The following DYNC2I1 variants were observed in gnomAD, a reference collection of about 807,000 sequenced individuals.
DYNC2I1 encodes the protein cytoplasmic dynein 2 intermediate chain 1.
Under a neutral mutation model 133.4 loss-of-function variants are expected in DYNC2I1, and 89 were observed. The observed-to-expected ratio is 0.67, with a 90% CI of 0.56 to 0.80. The LOEUF is 0.80. Ranked by LOEUF, DYNC2I1 falls within the 30% of genes least tolerant of loss-of-function variation. DYNC2I1 has a pLI of 0.00. For missense variants in DYNC2I1, 1,291 were observed against 1,314.5 expected (o/e 0.98, Z 0.28); for synonymous variants, 504 against 484.3 (o/e 1.04, Z -0.54).
intron 8 of DYNC2I1, among the ~76,000 whole-genome samples, chr7:158,892,161 A>G (rs1455363637): frequency 6.6e-6 from 1 of 152,216 alleles, no homozygotes; most frequent in Non-Finnish European, 1.5e-5. Flanking sequence ...TTTGCAGAGT[A>G]AATGAACTGT....
At chr7:158,860,927 C>T (rs919290078) in intron 1 of DYNC2I1, among the ~76,000 whole-genome samples, 4 of 152,302 alleles carry the variant, frequency 2.6e-5, no homozygotes, top group South Asian at 2.1e-4. Flanking sequence ...TTGGTCCTCA[C>T]CAATCCGCTT....
chr7:158,924,779 T>A (rs1234946991), intron 17 of DYNC2I1, among the ~76,000 whole-genome samples: 1 of 152,082 alleles, frequency 6.6e-6, no homozygotes, highest in East Asian at 1.9e-4. Flanking sequence ...TTTTGAGATG[T>A]GGTCTGGCTC....
intron 13 of DYNC2I1, 110 bp downstream of exon 13, chr7:158,913,206 A>G: frequency 2.4e-6 from 2 of 847,302 alleles, no homozygotes; most frequent in East Asian, 2.9e-5. Context: ...TCTCTTCTGT[A>G]TGGTTGTTAG....
intron 5 of DYNC2I1, among the ~76,000 whole-genome samples, chr7:158,881,365 A>G (rs1007412037): frequency 2.4e-4 from 37 of 152,196 alleles, no homozygotes; most frequent in African/African-American, 8.4e-4. Flanking sequence ...ACTCCCCTCT[A>G]GTCAGCCACA....
chr7:158,934,403 G>GCTT lies in DYNC2I1; in HGVS notation c.2647-7_2647-5dup. The GCTT allele has an allele frequency of 6.2e-7, 1 of 1,604,674 alleles. No individual in the cohort carries two copies. Among genetic ancestry groups the GCTT allele is most frequent in the Non-Finnish European group, 8.5e-7 (1 of 1,175,780 alleles). On this transcript the variant is annotated splice_polypyrimidine_tract_variant and intron_variant, in intron 22 of 24. Coordinates refer to ENST00000407559, the MANE Select transcript of DYNC2I1 (RefSeq NM_018051.5). ...AATGCACTCGTTCAGTCACTCTTGGGCTTCTTCTTCACAGGGTCTCATAAG... is the reference window on the plus strand; with the variant it reads ...AATGCACTCGTTCAGTCACTCTTGGGCTTCTTCTTCTTCACAGGGTCTCATAAG...
At chr7:158,950,875 G>A (rs1221447353), downstream of DYNC2I1, among the ~76,000 whole-genome samples, 3 of 150,940 alleles carry the variant, frequency 2.0e-5, no homozygotes, top group South Asian at 2.1e-4. Flanking sequence ...ATACTGCACC[G>A]GGACCAGCCT....
intron 15 of DYNC2I1, among the ~76,000 whole-genome samples, chr7:158,921,206 C>T (rs984079378): frequency 2.6e-5 from 4 of 152,040 alleles, no homozygotes; most frequent in Non-Finnish European, 4.4e-5. Flanking sequence ...GAGTGAAAAC[C>T]GGACGGAGAT....
At chr7:158,845,974 C>T in the DYNC2I1 span, among the ~76,000 whole-genome samples, 4 of 152,216 alleles carry the variant, frequency 2.6e-5, no homozygotes, top group Admixed American at 1.3e-4. Context: ...TATAAAACCA[C>T]GTAGGCTGGG....
rs1310962330 is a variant in DYNC2I1 at position 158,916,024 on chromosome 7, CGT to C, written c.1791+1704_1791+1705del. On this transcript the variant is annotated intron_variant, in intron 14 of 24. Transcript: ENST00000407559. ...GTTGACATTAAGGATGATTGTGAAA[CGT>C]CTACACGCTGGTTGAGATTAAGGAT... Among the ~76,000 whole-genome samples the C allele has an allele frequency of 7.8e-3, 649 of 83,586 alleles. 108 individuals are homozygous for C. Among genetic ancestry groups the C allele is most frequent in the Non-Finnish European group, 0.01 (363 of 35,168 alleles). 54.8% of individuals were successfully genotyped at this position (83,586 alleles called of 152,430 possible).
intron 21 of DYNC2I1, among the ~76,000 whole-genome samples, chr7:158,933,460 T>C (rs1377421853): frequency 6.6e-6 from 1 of 152,168 alleles, no homozygotes; most frequent in East Asian, 1.9e-4. Flanking sequence ...GAGGTAGAAC[T>C]GAGACCCCTG....
intron 4 of DYNC2I1, among the ~76,000 whole-genome samples, chr7:158,951,950 C>T (rs931696625): frequency 1.3e-5 from 2 of 152,174 alleles, no homozygotes; most frequent in African/African-American, 4.8e-5. Context: ...TAGAATCGCC[C>T]TGGGTTGAGG....
downstream of DYNC2I1, among the ~76,000 whole-genome samples, chr7:158,950,946 T>A (rs1170300470): frequency 1.3e-5 from 2 of 152,190 alleles, no homozygotes; most frequent in Non-Finnish European, 2.9e-5. Context: ...GGGACCAGCC[T>A]CTATATGATT....
At chr7:158,903,372 AT>A (rs1187759153) in intron 10 of DYNC2I1, 3 of 152,354 alleles carry the variant, frequency 2.0e-5, no homozygotes, top group Non-Finnish European at 2.9e-5. Flanking sequence ...GGCACTGAGG[AT>A]AAAATAGGAT....
At chr7:158,908,540 T>G (rs1271276620) in intron 11 of DYNC2I1, among the ~76,000 whole-genome samples, 1 of 152,210 alleles carries the variant, frequency 6.6e-6, no homozygotes, top group Non-Finnish European at 1.5e-5. Flanking sequence ...ATAAGCAAAG[T>G]TAAATAACCC....
chr7:158,924,537 C>G (rs1277261562), intron 17 of DYNC2I1, among the ~76,000 whole-genome samples: 1 of 152,194 alleles, frequency 6.6e-6, no homozygotes. Context: ...AATTGTGCCC[C>G]TCTGTGTGGG....
chr7:158,891,196 G>A (rs1408416795), intron 7 of DYNC2I1, 69 bp from the exon 8 acceptor site: 2 of 1,560,748 alleles, frequency 1.3e-6, no homozygotes, highest in African/African-American at 2.7e-5. Flanking sequence ...GGGTGGGGGG[G>A]AGCTGCGTGG....
intron 14 of DYNC2I1, among the ~76,000 whole-genome samples, chr7:158,917,796 C>T (rs1362464021): frequency 6.6e-6 from 1 of 152,132 alleles, no homozygotes; most frequent in Non-Finnish European, 1.5e-5. Context: ...AATCTCCTGC[C>T]TTCCACACTC....
rs535711187 is a variant in DYNC2I1, at chr7:158,928,474, T to A, written c.2485+1431T>A. Among the ~76,000 whole-genome samples the A allele has an allele frequency of 3.9e-5, 6 of 152,358 alleles. No individual in the cohort carries two copies. In the East Asian group the frequency reaches 1.2e-3, roughly 29 times the overall value. On this transcript the variant is annotated intron_variant, in intron 20 of 24. Coordinates refer to ENST00000407559, the MANE Select transcript of DYNC2I1 (RefSeq NM_018051.5). Reference sequence around the variant, plus strand: ...CTTGGAGCAAATGCTCTGTGCCCCGTAGTCACACGTCTGTGGTGGCCCTTA... The same window carrying A: ...CTTGGAGCAAATGCTCTGTGCCCCGAAGTCACACGTCTGTGGTGGCCCTTA...
At chr7:158,928,796 C>A (rs980000210) in intron 20 of DYNC2I1, among the ~76,000 whole-genome samples, 1 of 151,960 alleles carries the variant, frequency 6.6e-6, no homozygotes, top group African/African-American at 2.4e-5. Flanking sequence ...CAGCACCAAC[C>A]CCCCTTCACA....
Sources: gnomAD v4.1 joint callset for allele counts (sites outside exome capture counted in the v4.1 genomes callset) on GRCh38, gnomAD v4.1.1 for gene constraint, MANE v1.5 for transcripts, NCBI Gene and HGNC (gene_info 2026-07-23, HGNC 2026-07-21) for gene names.